Variants in NPSR1 observed in about 807,000 individuals in gnomAD.
NPSR1 encodes the protein neuropeptide S receptor.
NPSR1 carries 48 observed loss-of-function variants against 46.9 expected under a neutral mutation model. That is an observed-to-expected ratio of 1.02 (90% CI 0.81 to 1.30). NPSR1 has a LOEUF of 1.30. Ranked by LOEUF, NPSR1 falls within the 50% of genes most tolerant of loss-of-function variation. The probability of loss-of-function intolerance (pLI) is 0.00; values close to 1 mark genes in which losing one functional copy is unlikely to be tolerated. For synonymous variants in NPSR1, 176 were observed against 168.1 expected, an observed-to-expected ratio of 1.05 and a Z score of -0.36; for missense variants, 450 against 449.5, an observed-to-expected ratio of 1.00 and a Z score of -0.01.
At chr7:34,696,609 A>G (rs1191609034) in intron 2 of NPSR1, among the ~76,000 whole-genome samples, 1 of 152,106 alleles carries the variant, frequency 6.6e-6, no homozygotes, top group East Asian at 1.9e-4. Flanking sequence ...AAATGTAGCT[A>G]AAGAAGAAAT....
chr7:34,734,575 G>A (rs972969540), intron 2 of NPSR1, among the ~76,000 whole-genome samples: 20 of 152,120 alleles, frequency 1.3e-4, no homozygotes, highest in Admixed American at 2.6e-4. Context: ...AATCAGCAAG[G>A]AAAACCTCTA....
intron 1 of NPSR1, among the ~76,000 whole-genome samples, chr7:34,684,006 T>C (rs1431625639): frequency 6.6e-6 from 1 of 152,238 alleles, no homozygotes; most frequent in Non-Finnish European, 1.5e-5. Flanking sequence ...CATTTTACTG[T>C]ATTTCAGCCT....
chr7:34,818,407 G>T (rs1014118689), intron 4 of NPSR1, among the ~76,000 whole-genome samples: 2 of 152,062 alleles, frequency 1.3e-5, no homozygotes, highest in Non-Finnish European at 2.9e-5. Flanking sequence ...CACTGCGCAA[G>T]GAAATAAAAG....
chr7:34,806,323 T>C (rs907936091), intron 3 of NPSR1, among the ~76,000 whole-genome samples: 2 of 152,126 alleles, frequency 1.3e-5, no homozygotes, highest in Non-Finnish European at 2.9e-5. Context: ...AAATGGGATA[T>C]TATTCAATGA....
At chr7:34,790,809 T>TTATATATATGTTATAGGTTATATGTTA (rs201052201) in intron 3 of NPSR1, among the ~76,000 whole-genome samples, 2 of 107,160 alleles carry the variant, frequency 1.9e-5, no homozygotes, top group African/African-American at 6.7e-5. Flanking sequence ...AGGTTATATG[T>TTATATATATGTTATAGGTTATATGTTA]TATATATGTT....
intron 8 of NPSR1, among the ~76,000 whole-genome samples, chr7:34,855,183 T>A (rs2128766790): frequency 6.6e-6 from 1 of 152,174 alleles, no homozygotes; most frequent in Middle Eastern, 3.4e-3. Flanking sequence ...AAACAAATTA[T>A]CTATCTTATG....
At chr7:34,780,441 G>A (rs551587191) in intron 3 of NPSR1, among the ~76,000 whole-genome samples, 1 of 152,174 alleles carries the variant, frequency 6.6e-6, no homozygotes, top group East Asian at 1.9e-4. Context: ...TTGACATAGG[G>A]AAAACGATAG....
intron 3 of NPSR1, among the ~76,000 whole-genome samples, chr7:34,784,761 T>C (rs1320389830): frequency 1.3e-5 from 2 of 152,180 alleles, no homozygotes; most frequent in Non-Finnish European, 2.9e-5. Flanking sequence ...GAAGGAATGG[T>C]ACCAGTTCCT....
rs867724045 is a variant in NPSR1 at position 34,849,833 on chromosome 7, G to A, written c.*178G>A. On this transcript the variant is annotated 3_prime_UTR_variant, in exon 9 of 9. Coordinates refer to ENST00000360581, the MANE Select transcript of NPSR1 (RefSeq NM_207172.2). Reference sequence around the variant, plus strand: ...GCACTGCTTAAGTATTGGCCAACACGAACTCCCCAGTTATTCATGCCAGCC... The same window carrying A: ...GCACTGCTTAAGTATTGGCCAACACAAACTCCCCAGTTATTCATGCCAGCC... The A allele has an allele frequency of 2.0e-5, 27 of 1,375,116 alleles. No homozygotes were observed. Among genetic ancestry groups the A allele is most frequent in the South Asian group, 1.5e-4 (9 of 60,952 alleles). The allele number at this position is 1,375,116 out of a possible 1,614,324, so 85.2% of individuals were successfully genotyped here.
intron 3 of NPSR1, among the ~76,000 whole-genome samples, chr7:34,802,242 G>C (rs764014664): frequency 1.7e-4 from 25 of 150,282 alleles, no homozygotes; most frequent in Middle Eastern, 3.2e-3. Flanking sequence ...AACCAAAAAA[G>C]AGCTCACATC....
chr7:34,876,381 T>C (rs1393736214), intron 8 of NPSR1, among the ~76,000 whole-genome samples: 1 of 152,216 alleles, frequency 6.6e-6, no homozygotes, highest in Non-Finnish European at 1.5e-5. Context: ...CGTGGTGATA[T>C]GCCAATGAAA....
chr7:34,827,602 G>A lies in NPSR1; in HGVS notation c.680G>A (p.Ser227Asn). The change falls in exon 5 of 9, where the codon AGC (serine) becomes AAC (asparagine). Residue 227 changes from serine (S) to asparagine (N), a missense_variant and splice_region_variant. Ser to Asn is a conservative substitution (Grantham distance 46). Transcript: ENST00000360581. ...LVYFIPLTII[S>N]IMYGIVIRTI... ...TACTTCATCCCTCTGACAATCATCA[G>A]GTAAGAAGCCGTCAGGACAGGACCA... 1 of 1,115,322 alleles carries A rather than the reference G, an allele frequency of 9.0e-7. No homozygotes were observed. Among genetic ancestry groups the A allele is most frequent in the Non-Finnish European group, 1.3e-6 (1 of 782,948 alleles). The allele number at this position is 1,115,322 out of a possible 1,614,324, so 69.1% of individuals were successfully genotyped here.
chr7:34,821,196 G>A (rs1368811858), intron 4 of NPSR1, among the ~76,000 whole-genome samples: 3 of 146,502 alleles, frequency 2.0e-5, no homozygotes, highest in Non-Finnish European at 3.0e-5. Context: ...GCGCAGTGGC[G>A]CGATCTCAGC....
At chr7:34,839,231 G>C (rs73693327) in intron 6 of NPSR1, among the ~76,000 whole-genome samples, 9,746 of 152,206 alleles carry the variant, frequency 0.064, 809 homozygotes, top group African/African-American at 0.19. Flanking sequence ...GGATAGTAAG[G>C]TTCAATATCA....
At chr7:34,842,091 A>G in intron 6 of NPSR1, among the ~76,000 whole-genome samples, 1 of 152,146 alleles carries the variant, frequency 6.6e-6, no homozygotes, top group Non-Finnish European at 1.5e-5. Context: ...ATTCATCTCA[A>G]CTGATAAGAT....
chr7:34,792,500 AAC>A (rs373159147), intron 3 of NPSR1, among the ~76,000 whole-genome samples: 17 of 143,140 alleles, frequency 1.2e-4, no homozygotes, highest in Admixed American at 1.4e-4. Flanking sequence ...TCTCTACAAA[AAC>A]ACACACACAC....
intron 3 of NPSR1, among the ~76,000 whole-genome samples, chr7:34,780,937 G>A (rs35928424): frequency 0.12 from 18,869 of 152,124 alleles, 1,462 homozygotes; most frequent in Non-Finnish European, 0.17. Context: ...CAAAGGTATT[G>A]GATAATAGTC....
intron 8 of NPSR1, among the ~76,000 whole-genome samples, chr7:34,873,409 C>A (rs933500740): frequency 2.0e-4 from 30 of 151,752 alleles, no homozygotes; most frequent in African/African-American, 7.1e-4. Context: ...AAAAAAGTAC[C>A]TGAGGCTGGC....
intron 2 of NPSR1, among the ~76,000 whole-genome samples, chr7:34,749,241 A>G (rs1397647805): frequency 1.3e-5 from 2 of 152,176 alleles, no homozygotes; most frequent in African/African-American, 4.8e-5. Context: ...GAATGGGGGA[A>G]TGTGTGGAAA....
Sources: allele counts gnomAD v4.1 joint callset (sites outside exome capture counted in the v4.1 genomes callset), GRCh38; gene constraint gnomAD v4.1.1; transcripts MANE v1.5; gene names NCBI Gene and HGNC (gene_info 2026-07-23, HGNC 2026-07-21).